The following RILPL1 variants were observed in gnomAD, a reference collection of about 807,000 sequenced individuals.
The protein encoded by RILPL1 is Rab interacting lysosomal protein like 1.
Under a neutral mutation model 50.3 loss-of-function variants are expected in RILPL1, and 33 were observed. The observed-to-expected ratio is 0.66, with a 90% CI of 0.50 to 0.88. The LOEUF is 0.88. RILPL1 is among the 40% of genes least tolerant of loss of function. The pLI, the probability that RILPL1 is intolerant of heterozygous loss-of-function variation, is 0.00. For missense variants in RILPL1, 418 were observed against 542.5 expected (o/e 0.77, Z 2.28); for synonymous variants, 205 against 228.6 (o/e 0.90, Z 0.93).
At chr12:123,519,434 G>A (rs1884899686) in intron 2 of RILPL1, 1 of 152,236 alleles carries the variant, frequency 6.6e-6, no homozygotes, top group Admixed American at 6.5e-5. Flanking sequence ...GGGGGTACAG[G>A]AGCCTGCCAG....
rs1407994333 is a variant in RILPL1, at chr12:123,472,497, G to A, written c.*41C>T. 2 of 1,548,416 alleles carry A rather than the reference G, an allele frequency of 1.3e-6. No individual in the cohort carries two copies. The highest frequency in any genetic ancestry group is 1.2e-5 in the South Asian group (1 of 83,948). On this transcript the variant is annotated 3_prime_UTR_variant, in exon 7 of 7. Transcript: ENST00000376874. ...GGCTGCAGTTCGGTTGCAGGCGCTGGTGGCGGGCAGTCCAGGTTGGAGGGT... is the reference window on the plus strand; with the variant it reads ...GGCTGCAGTTCGGTTGCAGGCGCTGATGGCGGGCAGTCCAGGTTGGAGGGT...
At chr12:123,477,652 C>A (rs942062796) in intron 6 of RILPL1, among the ~76,000 whole-genome samples, 1 of 152,064 alleles carries the variant, frequency 6.6e-6, no homozygotes, top group African/African-American at 2.4e-5. Flanking sequence ...CTTTGCAGAA[C>A]CTCCTGGATG....
At chr12:123,511,767 GTT>G (rs1884261424) in intron 2 of RILPL1, among the ~76,000 whole-genome samples, 2 of 109,454 alleles carry the variant, frequency 1.8e-5, no homozygotes, top group Admixed American at 9.3e-5. Flanking sequence ...GGTGTGTGAG[GTT>G]TGTGTGTGTG....
intron 2 of RILPL1, among the ~76,000 whole-genome samples, chr12:123,513,114 CTGTGTG>C (rs372700247): frequency 4.7e-5 from 6 of 127,334 alleles, no homozygotes; most frequent in Admixed American, 1.6e-4. Flanking sequence ...GTGGTGGCGT[CTGTGTG>C]TGTGTGGTGT....
intron 2 of RILPL1, among the ~76,000 whole-genome samples, chr12:123,508,328 A>G (rs1475295152): frequency 6.6e-6 from 1 of 152,172 alleles, no homozygotes; most frequent in Non-Finnish European, 1.5e-5. Flanking sequence ...AGGGAGTTCG[A>G]GGCTGCAGTG....
intron 4 of RILPL1, among the ~76,000 whole-genome samples, chr12:123,492,934 C>T (rs999465187): frequency 6.6e-6 from 1 of 152,152 alleles, no homozygotes; most frequent in Non-Finnish European, 1.5e-5. Flanking sequence ...AGGAAAGCCA[C>T]GTATTGTCCA....
chr12:123,497,327 T>G (rs1340852909), intron 4 of RILPL1, among the ~76,000 whole-genome samples: 1 of 152,170 alleles, frequency 6.6e-6, no homozygotes, highest in Non-Finnish European at 1.5e-5. Context: ...CAAGTGATCC[T>G]CCTGCCTCAT....
chr12:123,513,117 T>C (rs1884475293), intron 2 of RILPL1, among the ~76,000 whole-genome samples: 2 of 122,286 alleles, frequency 1.6e-5, no homozygotes, highest in African/African-American at 1.0e-4. Flanking sequence ...GTGGCGTCTG[T>C]GTGTGTGTGG....
intron 4 of RILPL1, among the ~76,000 whole-genome samples, chr12:123,494,752 A>AT (rs1196188108): frequency 6.6e-6 from 1 of 152,090 alleles, no homozygotes; most frequent in African/African-American, 2.4e-5. Context: ...CACCTGGGTT[A>AT]TTGCAAAGGG....
At chr12:123,493,263 A>C in intron 4 of RILPL1, among the ~76,000 whole-genome samples, 2 of 152,120 alleles carry the variant, frequency 1.3e-5, no homozygotes, top group South Asian at 2.1e-4. Flanking sequence ...GCATATCTAA[A>C]AGCACAGCAC....
rs1182743152 is a variant in RILPL1 at position 123,498,103 on chromosome 12, T to C, written c.801+441A>G. On this transcript the variant is annotated intron_variant, in intron 4 of 6. Transcript: ENST00000376874. This position sits in a 1 kb window ranked among gnomAD's most constrained non-coding sequence, Gnocchi z 4.3. ...AATGAATAAATAAATGGCAGGTGCC[T>C]AATAACCATCACTGAGATGGGAGAA... Among the ~76,000 whole-genome samples, 1 of 152,204 alleles carries C rather than the reference T, an allele frequency of 6.6e-6. No homozygotes were observed. Among genetic ancestry groups the C allele is most frequent in the African/African-American group, 2.4e-5 (1 of 41,454 alleles).
chr12:123,512,654 TGA>T (rs1884412154), intron 2 of RILPL1, among the ~76,000 whole-genome samples: 2 of 145,454 alleles, frequency 1.4e-5, no homozygotes, highest in East Asian at 2.1e-4. Context: ...GTGTGTGGTG[TGA>T]GAGCTGTGTG....
chr12:123,486,799 C>T (rs975066538), intron 4 of RILPL1, among the ~76,000 whole-genome samples: 1 of 150,172 alleles, frequency 6.7e-6, no homozygotes, highest in Non-Finnish European at 1.5e-5. Flanking sequence ...ACCGCCACAC[C>T]CGGCAATTTT....
intron 4 of RILPL1, among the ~76,000 whole-genome samples, chr12:123,487,306 ACT>A (rs1882407029): frequency 7.2e-6 from 1 of 139,778 alleles, no homozygotes; most frequent in Non-Finnish European, 1.6e-5. Flanking sequence ...CCAGCACTTC[ACT>A]CTTTTTTTTT....
rs1881125171 is a variant in RILPL1, at chr12:123,470,289, G to T, written c.*2249C>A. ...GCCCAGGAGTTTGAGACCAGCTTAG[G>T]CAACAAAGTAAGACCTGGTCTCTAC... On this transcript the variant is annotated 3_prime_UTR_variant, in exon 7 of 7. Coordinates refer to ENST00000376874, the MANE Select transcript of RILPL1 (RefSeq NM_178314.5). 1 of 151,306 alleles carries T rather than the reference G, an allele frequency of 6.6e-6. No homozygotes were observed. The highest frequency in any genetic ancestry group is 1.5e-5 in the Non-Finnish European group (1 of 67,880). 9.4% of individuals were successfully genotyped at this position (151,306 alleles called of 1,614,324 possible).
At chr12:123,487,281 A>G (rs1280949994) in intron 4 of RILPL1, among the ~76,000 whole-genome samples, 1 of 150,496 alleles carries the variant, frequency 6.6e-6, no homozygotes, top group East Asian at 2.0e-4. Context: ...AGGTTCATCC[A>G]CGTTGCAGCA....
At chr12:123,510,121 C>T (rs1380865377) in intron 2 of RILPL1, among the ~76,000 whole-genome samples, 1 of 152,234 alleles carries the variant, frequency 6.6e-6, no homozygotes, top group Non-Finnish European at 1.5e-5. Context: ...ACAGAACCGG[C>T]AACCAAGCCG....
intron 4 of RILPL1, among the ~76,000 whole-genome samples, chr12:123,497,303 C>T (rs1432399395): frequency 6.6e-6 from 1 of 152,216 alleles, no homozygotes; most frequent in Non-Finnish European, 1.5e-5. Flanking sequence ...ACTGCATCCT[C>T]AAACTCCTGG....
chr12:123,477,145 T>C (rs1881648586), intron 6 of RILPL1, among the ~76,000 whole-genome samples: 1 of 152,116 alleles, frequency 6.6e-6, no homozygotes, highest in Non-Finnish European at 1.5e-5. Flanking sequence ...GCAGAGGAAA[T>C]GAAGATGAAA....
Sources: gnomAD v4.1 joint callset for allele counts (sites outside exome capture counted in the v4.1 genomes callset) on GRCh38, gnomAD v4.1.1 for gene constraint, Gnocchi (gnomAD v3.1) non-coding constraint, MANE v1.5 for transcripts, NCBI Gene and HGNC (gene_info 2026-07-23, HGNC 2026-07-21) for gene names.